The following SYN1 variants were observed in gnomAD, a reference collection of about 807,000 sequenced individuals.
SYN1 encodes synapsin I.
A neutral mutation model predicts 44.6 loss-of-function variants in SYN1; 8 were observed. The observed-to-expected ratio is 0.18, with a 90% confidence interval of 0.11 to 0.32. The LOEUF (loss-of-function observed/expected upper bound fraction) is 0.32, where lower values mean the gene tolerates loss of function less well. Among genes scored for constraint, SYN1 ranks in the 10% least tolerant of loss-of-function variants. The pLI is 1.00. For synonymous variants in SYN1, 275 were observed against 280.1 expected (o/e 0.98, Z 0.18); for missense variants, 451 against 639.4 (o/e 0.71, Z 3.18).
chrX:47,576,125 T>C lies in SYN1; in HGVS notation c.1158+6A>G. The C allele has an allele frequency of 8.4e-7, 1 of 1,193,205 alleles. No homozygotes were observed. The highest frequency in any genetic ancestry group is 1.1e-6 in the Non-Finnish European group (1 of 885,804). ...CTCTACCCCACCTACCCCTGGGTGC[T>C]CATACCTCAATGATGTGATCCCTTC... On this transcript the variant is annotated splice_donor_region_variant and intron_variant, in intron 9 of 12. Coordinates refer to ENST00000295987, the MANE Select transcript of SYN1 (RefSeq NM_006950.3).
intron 3 of SYN1, 33 bp from the exon 4 acceptor site, chrX:47,605,412 C>A: frequency 8.3e-7 from 1 of 1,203,690 alleles, no homozygotes; most frequent in Non-Finnish European, 1.1e-6. Context: ...GTTGAGAGTT[C>A]CCCCAGAAGC....
At chrX:47,580,541 G>A (rs1422870602) in intron 5 of SYN1, among the ~76,000 whole-genome samples, 1 of 108,864 alleles carries the variant, frequency 9.2e-6, no homozygotes, top group East Asian at 2.9e-4. Context: ...TGAGGCAGGA[G>A]AATTGCTTGA....
rs965590793 is a variant in SYN1 at position 47,619,809 on chromosome X, A to G, written c.-81T>C. The G allele has an allele frequency of 1.4e-4, 138 of 1,020,455 alleles. No homozygotes were observed. The highest frequency in any genetic ancestry group is 1.7e-4 in the Non-Finnish European group (129 of 760,676). The allele number at this position is 1,020,455 out of a possible 1,213,427, so 84.1% of individuals were successfully genotyped here. On this transcript the variant is annotated 5_prime_UTR_variant, in exon 1 of 13. Coordinates refer to ENST00000295987, the MANE Select transcript of SYN1 (RefSeq NM_006950.3). ...CGGACTGCGCGGTGCCCAGGAGCAC[A>G]GCTGCGCTCTCAGGCACGACACGAC...
chrX:47,577,699 C>A (rs776387119), intron 5 of SYN1, among the ~76,000 whole-genome samples, 198 bp from the exon 6 acceptor site: 89 of 110,900 alleles, frequency 8.0e-4, no homozygotes, highest in Non-Finnish European at 1.3e-3. Flanking sequence ...AACCCAGAGC[C>A]CTGTCTGTCT....
chrX:47,586,572 T>C, intron 5 of SYN1: 1 of 1,212,196 alleles, frequency 8.2e-7, no homozygotes, highest in Non-Finnish European at 1.1e-6. Context: ...CACTCATTGC[T>C]TGTGGACGGA....
intron 5 of SYN1, among the ~76,000 whole-genome samples, chrX:47,580,944 AT>A (rs1250767265): frequency 9.0e-6 from 1 of 110,783 alleles, no homozygotes; most frequent in Admixed American, 9.6e-5. Context: ...AAAAAAAAAA[AT>A]AGATTTAGAG....
intron 5 of SYN1, among the ~76,000 whole-genome samples, chrX:47,588,199 G>T (rs753641348): frequency 1.1e-3 from 122 of 113,037 alleles, no homozygotes; most frequent in African/African-American, 3.8e-3. Flanking sequence ...CGCCCTCGGA[G>T]GGTCTGAACC....
chrX:47,582,241 C>T, intron 5 of SYN1: 1 of 129,702 alleles, frequency 7.7e-6, no homozygotes, highest in Non-Finnish European at 1.6e-5. Flanking sequence ...CCGGGCGAGG[C>T]CCAGGGAGAG....
intron 5 of SYN1, among the ~76,000 whole-genome samples, chrX:47,602,574 G>A (rs918858654): frequency 7.2e-5 from 8 of 110,555 alleles, no homozygotes; most frequent in Non-Finnish European, 1.1e-4. Context: ...CCCAGGAGGC[G>A]GAGGCTGCAG....
intron 1 of SYN1, among the ~76,000 whole-genome samples, chrX:47,612,528 G>A (rs2057919320): frequency 9.0e-6 from 1 of 111,307 alleles, no homozygotes; most frequent in African/African-American, 3.3e-5. Context: ...TCTAAGCTTG[G>A]TTCACAAATT....
intron 5 of SYN1, among the ~76,000 whole-genome samples, chrX:47,584,327 T>G (rs1366885071): frequency 1.8e-5 from 2 of 110,638 alleles, no homozygotes; most frequent in African/African-American, 3.3e-5. Context: ...GATGATCAGG[T>G]ATTGAGGATG....
At chrX:47,585,031 G>A (rs763686818) in intron 5 of SYN1, 4 of 1,204,858 alleles carry the variant, frequency 3.3e-6, no homozygotes, top group East Asian at 5.9e-5. Flanking sequence ...CCCTGCCCCC[G>A]CCTCTTTCCC....
Position 47,591,120 on chromosome X carries a change from A to G in SYN1, c.775-13619T>C, listed in dbSNP as rs768529785. On this transcript the variant is annotated intron_variant, in intron 5 of 12. Transcript: ENST00000295987. ...GGCTGGTCCGGAACTCCTAGGCTCA[A>G]GCGATCCTCCCAGCTCAGCCTCCCA... 4.5e-5 allele frequency among the ~76,000 whole-genome samples: 5 copies of G among 111,878 alleles called. No individual in the cohort carries two copies. In the South Asian group the frequency reaches 1.8e-3, roughly 41 times the overall value.
In SYN1 at chrX:47,619,496, G is replaced by A; in HGVS notation, c.233C>T (p.Ser78Leu). The change falls in exon 1 of 13, where the codon TCG (serine) becomes TTG (leucine). Residue 78 changes from serine (S) to leucine (L), a missense_variant. This residue lies in a region of SYN1 where 315 missense variants were observed against 451.4 expected (regional missense o/e 0.70). Transcript: ENST00000295987. ...PGSSGGGGFF[S>L]SLSNAVKQTT... ...CTGCTTGACCGCGTTGGACAGCGAC[G>A]AGAAGAAGCCACCGCCCCCCGAGGA... 1 of 1,198,717 alleles carries A rather than the reference G, an allele frequency of 8.3e-7. No homozygotes were observed.
At chrX:47,610,691 C>T (rs1185743762) in intron 1 of SYN1, among the ~76,000 whole-genome samples, 1 of 110,238 alleles carries the variant, frequency 9.1e-6, no homozygotes, top group East Asian at 2.9e-4. Context: ...TCCCAGGATA[C>T]GGAACTTAAA....
At chrX:47,603,132 A>T (rs183457325) in intron 5 of SYN1, among the ~76,000 whole-genome samples, 1 of 111,948 alleles carries the variant, frequency 8.9e-6, no homozygotes, top group East Asian at 2.8e-4. Flanking sequence ...AATTTGTAAC[A>T]CTGGTAATAG....
intron 5 of SYN1, chrX:47,604,722 A>G (rs2057891022): frequency 2.6e-6 from 1 of 389,338 alleles, no homozygotes; most frequent in Non-Finnish European, 4.5e-6. Flanking sequence ...CACATTAGAA[A>G]TAGGTTTTTA....
At chrX:47,576,734 G>A (rs990430536) in intron 6 of SYN1, 94 bp from the exon 7 acceptor site, 2 of 1,102,855 alleles carry the variant, frequency 1.8e-6, no homozygotes, top group Admixed American at 4.6e-5. Flanking sequence ...ATGACACACA[G>A]GTGAGGCGAG....
intron 5 of SYN1, among the ~76,000 whole-genome samples, chrX:47,589,437 C>T (rs1489699162): frequency 9.5e-6 from 1 of 105,209 alleles, no homozygotes; most frequent in Non-Finnish European, 2.0e-5. Context: ...ACTAAAAATA[C>T]CAAAAAAAAA....
Sources: gnomAD v4.1 joint callset for allele counts (sites outside exome capture counted in the v4.1 genomes callset) on GRCh38, gnomAD v4.1.1 for gene constraint, gnomAD v4.1.1 regional missense constraint, MANE v1.5 for transcripts, NCBI Gene and HGNC (gene_info 2026-07-23, HGNC 2026-07-21) for gene names.